MAPKBP1: variants seen among roughly 807,000 people sequenced by gnomAD.
MAPKBP1 encodes mitogen-activated protein kinase-binding protein 1.
In MAPKBP1, 71 loss-of-function variants were observed where a neutral mutation model predicts 170.5. The ratio of observed to expected loss-of-function variants is 0.42; its 90% CI spans 0.34 to 0.51. MAPKBP1 has a LOEUF of 0.51. Ranked by LOEUF, MAPKBP1 falls within the 20% of genes least tolerant of loss-of-function variation. The probability of loss-of-function intolerance (pLI) is 0.06; values close to 1 mark genes in which losing one functional copy is unlikely to be tolerated. For synonymous variants in MAPKBP1, 719 were observed against 757.9 expected (o/e 0.95, Z 0.84); for missense variants, 1,598 against 1,933.0 (o/e 0.83, Z 3.25).
Position 41,818,318 on chromosome 15 carries a change from T to C in MAPKBP1, c.2092+13T>C. The C allele has an allele frequency of 6.2e-7, 1 of 1,603,390 alleles. No individual in the cohort carries two copies. Among genetic ancestry groups the C allele is most frequent in the Non-Finnish European group, 8.5e-7 (1 of 1,170,368 alleles). ...TTTGGCCACTCAGGTGAGTGTAGCC[T>C]GAATCCCCGAGTAGAAGCTGATACC... On this transcript the variant is annotated intron_variant, in intron 18 of 30. Coordinates refer to ENST00000457542, the MANE Select transcript of MAPKBP1 (RefSeq NM_014994.3). This position sits in a 1 kb window ranked among gnomAD's most constrained non-coding sequence, Gnocchi z 5.2.
At position 41,818,992 on chromosome 15, in the gene MAPKBP1, G is replaced by A; in HGVS notation, c.2291+35G>A. On this transcript the variant is annotated intron_variant, in intron 20 of 30. Coordinates refer to ENST00000457542, the MANE Select transcript of MAPKBP1 (RefSeq NM_014994.3). The surrounding 1 kb of genome is among the most constrained non-coding windows in gnomAD (Gnocchi z 5.2). The stretch of plus-strand genomic sequence containing the variant: ...GAATGTGGGCAAGTGATGGGTGGGT[G>A]TGCAGATGGCTTGCTGGGACCTCAC... 1 of 1,608,082 alleles carries A rather than the reference G, an allele frequency of 6.2e-7. No individual in the cohort carries two copies.
In MAPKBP1 at chr15:41,818,404, C is replaced by T. The variant is rs969308793; in HGVS notation, c.2092+99C>T. On this transcript the variant is annotated intron_variant, in intron 18 of 30. Coordinates refer to ENST00000457542, the MANE Select transcript of MAPKBP1 (RefSeq NM_014994.3). This position sits in a 1 kb window ranked among gnomAD's most constrained non-coding sequence, Gnocchi z 5.2. ...CACTCTTCTATTAGTTTCTTGGGAC[C>T]CGCAGAGCTACCTATCCCTACCCTG... The T allele has an allele frequency of 2.2e-6, 3 of 1,393,968 alleles. No homozygotes were observed. The highest frequency in any genetic ancestry group is 1.8e-4 in the Middle Eastern group (1 of 5,594). 86.3% of individuals were successfully genotyped at this position (1,393,968 alleles called of 1,614,324 possible). A position where few individuals can be genotyped will look rare whatever the true frequency, so the allele number is the denominator to read the frequency against.
chr15:41,822,644 G>T lies in MAPKBP1; in HGVS notation c.3281G>T (p.Arg1094Leu). 1 of 1,614,066 alleles carries T rather than the reference G, an allele frequency of 6.2e-7. No homozygotes were observed. Among genetic ancestry groups the T allele is most frequent in the Non-Finnish European group, 8.5e-7 (1 of 1,179,970 alleles). Residue 1094 changes from arginine (R) to leucine (L), a missense_variant, in exon 27 of 31, where the codon CGA (arginine) becomes CTA (leucine). This residue lies in a region of MAPKBP1 where 942 missense variants were observed against 953.2 expected (regional missense o/e 0.99). Coordinates refer to ENST00000457542, the MANE Select transcript of MAPKBP1 (RefSeq NM_014994.3). ...TCAGAGTCTCGGAGTATCTCTTCAC[G>T]ATTCCTGTTGCAAGTACAGACCCGC... is the stretch of plus-strand genomic sequence containing the variant. ...ERSESRSISS[R>L]FLLQVQTRPL...
At chr15:41,805,343 T>C (rs537108438) in intron 3 of MAPKBP1, among the ~76,000 whole-genome samples, 2 of 152,266 alleles carry the variant, frequency 1.3e-5, no homozygotes, top group African/African-American at 4.8e-5. Flanking sequence ...ACACCCTTAA[T>C]TGAGTTGGGC....
At chr15:41,824,167 T>C in intron 29 of MAPKBP1, 106 bp downstream of exon 29, 5 of 1,440,398 alleles carry the variant, frequency 3.5e-6, no homozygotes, top group Non-Finnish European at 4.6e-6. Context: ...GCTTCTGGTG[T>C]TTCTTGTCCT....
At position 41,822,087 on chromosome 15, in the gene MAPKBP1, C is replaced by T. The variant is rs750408373; in HGVS notation, c.3008C>T (p.Ser1003Phe). 1 of 1,608,076 alleles carries T rather than the reference C, an allele frequency of 6.2e-7. No homozygotes were observed. The highest frequency in any genetic ancestry group is 1.1e-5 in the South Asian group (1 of 89,954). The change falls in exon 25 of 31, where the codon TCC becomes TTC. Residue 1003 changes from serine (S) to phenylalanine (F), a missense_variant. Coordinates refer to ENST00000457542, the MANE Select transcript of MAPKBP1 (RefSeq NM_014994.3). ...GTGGATTACAGCAGCAGCTGCCTTT[C>T]CAGCCCGGAGCACCCCACTGAAGGT... ...CSVDYSSSCLSSPEHPTEDSE... is the reference protein window; with the variant it reads ...CSVDYSSSCLFSPEHPTEDSE...
chr15:41,804,665 G>A (rs2064659049), intron 3 of MAPKBP1, among the ~76,000 whole-genome samples: 1 of 152,200 alleles, frequency 6.6e-6, no homozygotes, highest in Admixed American at 6.5e-5. Flanking sequence ...ATGTTTATGA[G>A]CAGGTCTCAG....
At chr15:41,801,111 C>T (rs2064585378) in intron 3 of MAPKBP1, among the ~76,000 whole-genome samples, 1 of 152,210 alleles carries the variant, frequency 6.6e-6, no homozygotes, top group Non-Finnish European at 1.5e-5. Flanking sequence ...GAATAATATT[C>T]CACTGGATGG....
chr15:41,823,840 C>G lies in MAPKBP1; in HGVS notation c.3992C>G (p.Ala1331Gly). The stretch of plus-strand genomic sequence containing the variant: ...GGCTTCCCGGTGGGCCTAGGAAAAG[C>G]TCACAGTACAACTGAGAGATGGGCC... ...KPGFPVGLGK[A>G]HSTTERWACL... Residue 1331 changes from alanine (A) to glycine (G), a missense_variant, in exon 29 of 31, where the codon GCT becomes GGT. Transcript: ENST00000457542. 1.9e-6 allele frequency: 3 copies of G among 1,614,220 alleles called. No individual in the cohort carries two copies. The highest frequency in any genetic ancestry group is 2.2e-5 in the East Asian group (1 of 44,886).
chr15:41,814,396 G>C (rs1323157168), intron 9 of MAPKBP1, among the ~76,000 whole-genome samples, 154 bp from the exon 10 acceptor site: 1 of 152,218 alleles, frequency 6.6e-6, no homozygotes, highest in Non-Finnish European at 1.5e-5. Flanking sequence ...GGTTCCTGCT[G>C]ATGGCTAGTA....
intron 7 of MAPKBP1, 130 bp from the exon 8 acceptor site, chr15:41,812,789 C>G (rs1567148708): frequency 1.4e-6 from 2 of 1,437,150 alleles, no homozygotes; most frequent in African/African-American, 2.9e-5. Context: ...GAGCCAGATG[C>G]TGTCTGGGCT....
At position 41,817,978 on chromosome 15, in the gene MAPKBP1, C is replaced by G. The variant is rs1386465584; in HGVS notation, c.1905-31C>G. 1 of 1,609,822 alleles carries G rather than the reference C, an allele frequency of 6.2e-7. No homozygotes were observed. The highest frequency in any genetic ancestry group is 1.3e-5 in the African/African-American group (1 of 74,814). ...CAGGCGTGTTCCACCTTCACCGCCT[C>G]CTCATGAGAAAGAGACTATGTTTCT... On this transcript the variant is annotated intron_variant, in intron 16 of 30. Transcript: ENST00000457542. This position sits in a 1 kb window ranked among gnomAD's most constrained non-coding sequence, Gnocchi z 4.2.
rs148091466 is a variant in MAPKBP1 at position 41,813,017 on chromosome 15, G to C, written c.735G>C (p.Ala245=). 1 of 1,613,934 alleles carries C rather than the reference G, an allele frequency of 6.2e-7. No homozygotes were observed. The highest frequency in any genetic ancestry group is 8.5e-7 in the Non-Finnish European group (1 of 1,179,986). Residue 245 remains alanine (A), a synonymous_variant, in exon 8 of 31, where the codon GCG becomes GCC. Transcript: ENST00000457542. ...TGGCCTGTGGCAGAGGAAAAAAGGC[G>C]GACAGTACCTTCTGCATCACGTCCT... ...TDVACGRGKK[A]DSTFCITSSG...
intron 21 of MAPKBP1, 48 bp from the exon 22 acceptor site, chr15:41,819,547 C>CAGG (rs765528665): frequency 0.017 from 20,566 of 1,215,250 alleles, 92 homozygotes; most frequent in East Asian, 0.037. Context: ...GGTTGGGTGG[C>CAGG]GGGGGGGGGG....
intron 2 of MAPKBP1, among the ~76,000 whole-genome samples, chr15:41,789,744 C>G (rs2064362816): frequency 6.6e-6 from 1 of 152,204 alleles, no homozygotes; most frequent in Admixed American, 6.5e-5. Flanking sequence ...TTTAGACCCA[C>G]TTTAGCTACT....
chr15:41,815,626 C>A lies in MAPKBP1; in HGVS notation c.1320C>A (p.Asp440Glu), dbSNP rs200313290. The change falls in exon 12 of 31, where the codon GAC becomes GAA. Residue 440 changes from aspartate to glutamate, a missense_variant and splice_region_variant. Coordinates refer to ENST00000457542, the MANE Select transcript of MAPKBP1 (RefSeq NM_014994.3). ...STLHRNILSS[D>E]LIKIIYVDGN... ...CCTTTTCTAACCTGTTCCACTAGGACCTCATTAAAATCATCTATGTGGATG... is the reference window on the plus strand; with the variant it reads ...CCTTTTCTAACCTGTTCCACTAGGAACTCATTAAAATCATCTATGTGGATG... 1.9e-6 allele frequency: 3 copies of A among 1,613,116 alleles called. No homozygotes were observed. The highest frequency in any genetic ancestry group is 2.7e-5 in the African/African-American group (2 of 75,058).
Position 41,823,142 on chromosome 15 carries a change from G to T in MAPKBP1, c.3518G>T (p.Trp1173Leu). The stretch of plus-strand genomic sequence containing the variant: ...TGCCGTCTCAACCCTGACAGCAGCT[G>T]GGCTCCCAAGAGAGTGGCCACAGCC... ...PRCRLNPDSSWAPKRVATASP... is the reference protein window; with the variant it reads ...PRCRLNPDSSLAPKRVATASP... The change falls in exon 28 of 31, where the codon TGG (tryptophan) becomes TTG (leucine). Residue 1173 changes from tryptophan (W) to leucine (L), a missense_variant. Coordinates refer to ENST00000457542, the MANE Select transcript of MAPKBP1 (RefSeq NM_014994.3). 6.2e-7 allele frequency: 1 copy of T among 1,613,684 alleles called. No homozygotes were observed. The highest frequency in any genetic ancestry group is 1.1e-5 in the South Asian group (1 of 91,080).
At position 41,817,441 on chromosome 15, in the gene MAPKBP1, T is replaced by A. The variant is rs2064910417; in HGVS notation, c.1765T>A (p.Phe589Ile). The change falls in exon 15 of 31, where the codon TTC (phenylalanine) becomes ATC (isoleucine). Residue 589 changes from phenylalanine to isoleucine, a missense_variant. Coordinates refer to ENST00000457542, the MANE Select transcript of MAPKBP1 (RefSeq NM_014994.3). The surrounding 1 kb of genome is among the most constrained non-coding windows in gnomAD (Gnocchi z 4.2). ...CTGTGGAGCAGACAAGAGCATCTAC[T>A]TCCGCACTGCGCAGAAGGTGAGGGC... ...ISCGADKSIY[F>I]RTAQKSGDGV... 1.9e-5 allele frequency: 31 copies of A among 1,613,988 alleles called. No individual in the cohort carries two copies. The highest frequency in any genetic ancestry group is 2.6e-5 in the Non-Finnish European group (31 of 1,180,008).
At chr15:41,795,270 A>G (rs905626689) in intron 2 of MAPKBP1, among the ~76,000 whole-genome samples, 1 of 152,194 alleles carries the variant, frequency 6.6e-6, no homozygotes, top group African/African-American at 2.4e-5. Context: ...TCTGAGGAAG[A>G]GACCTTTGAG....
Sources: allele counts gnomAD v4.1 joint callset (sites outside exome capture counted in the v4.1 genomes callset), GRCh38; gene constraint gnomAD v4.1.1; regional missense constraint gnomAD v4.1.1; non-coding constraint Gnocchi (gnomAD v3.1); transcripts MANE v1.5; gene names NCBI Gene and HGNC (gene_info 2026-07-23, HGNC 2026-07-21).